TBC1D10A: variants seen among roughly 807,000 people sequenced by gnomAD.
TBC1D10A encodes EBP50-PDX interactor of 64 kDa.
A neutral mutation model predicts 52.9 loss-of-function variants in TBC1D10A; 24 were observed. The observed-to-expected ratio is 0.45, with a 90% CI of 0.33 to 0.64. TBC1D10A has a LOEUF of 0.64. Among genes scored for constraint, TBC1D10A ranks in the 30% least tolerant of loss-of-function variants. TBC1D10A has a pLI of 0.02. For synonymous variants in TBC1D10A, 278 were observed against 282.9 expected (o/e 0.98, Z 0.17); for missense variants, 602 against 687.9 (o/e 0.88, Z 1.40).
In TBC1D10A at chr22:30,326,764, A is replaced by G; in HGVS notation, c.118T>C (p.Ser40Pro). 2.6e-6 allele frequency: 4 copies of G among 1,515,918 alleles called. No individual in the cohort carries two copies. The highest frequency in any genetic ancestry group is 3.5e-6 in the Non-Finnish European group (4 of 1,128,172). The allele number at this position is 1,515,918 out of a possible 1,614,324, so 93.9% of individuals were successfully genotyped here. ...PDAATTDELS[S>P]LGSDSEANGF... is the part of the protein sequence containing the mutation. ...TTGGCCTCCGAGTCAGACCCGAGAG[A>G]GCTGAGTTCGTCGGTGGTTGCGGCG... Residue 40 changes from serine (S) to proline (P), a missense_variant, in exon 1 of 9, where the codon TCT (serine) becomes CCT (proline). By Grantham distance (74) the Ser-to-Pro change is moderately conservative. Coordinates refer to ENST00000215790, the MANE Select transcript of TBC1D10A (RefSeq NM_031937.3).
At chr22:30,321,506 G>A (rs1930652056) in intron 1 of TBC1D10A, among the ~76,000 whole-genome samples, 1 of 152,368 alleles carries the variant, frequency 6.6e-6, no homozygotes, top group South Asian at 2.1e-4. Flanking sequence ...AATTAAGCCA[G>A]TTCTATGATT....
chr22:30,298,018 G>A (rs1930120131), intron 3 of TBC1D10A: 1 of 152,286 alleles, frequency 6.6e-6, no homozygotes, highest in Non-Finnish European at 1.5e-5. Context: ...CCTCACACAA[G>A]CAACTTTCCA....
intron 1 of TBC1D10A, among the ~76,000 whole-genome samples, chr22:30,319,585 G>T (rs976185189): frequency 2.6e-5 from 4 of 152,228 alleles, no homozygotes; most frequent in Non-Finnish European, 5.9e-5. Flanking sequence ...GCACAGAATG[G>T]AGTAGGGTAG....
rs1290022279 is a variant in TBC1D10A, at chr22:30,321,046, A to G, written c.209+5627T>C. 2.6e-5 allele frequency among the ~76,000 whole-genome samples: 4 copies of G among 152,290 alleles called. No individual in the cohort carries two copies. The East Asian group carries it at 7.7e-4, about 29-fold the overall frequency. ...GGCCCAGATGCTGGTAGGACAAAAC[A>G]TCAAGTAGGTGCTACCATCTTATCT... is the stretch of plus-strand genomic sequence containing the variant. On this transcript the variant is annotated intron_variant, in intron 1 of 8. Coordinates refer to ENST00000215790, the MANE Select transcript of TBC1D10A (RefSeq NM_031937.3).
At position 30,294,031 on chromosome 22, in the gene TBC1D10A, C is replaced by T. The variant is rs146209214; in HGVS notation, c.785G>A (p.Arg262His). ...ATAGAGGAGCGGGTCGATCTTCTGACGGCTGAGGTGCTTGTGGGCCACCGG... is the reference window on the plus strand; with the variant it reads ...ATAGAGGAGCGGGTCGATCTTCTGATGGCTGAGGTGCTTGTGGGCCACCGG... The part of the protein sequence containing the change: ...VSPVAHKHLS[R>H]QKIDPLLYMT... The change falls in exon 7 of 9, where the codon CGT becomes CAT. Residue 262 changes from arginine to histidine, a missense_variant. This residue lies in a region of TBC1D10A where 136 missense variants were observed against 208.4 expected (regional missense o/e 0.65). Transcript: ENST00000215790. The T allele has an allele frequency of 6.6e-4, 1,058 of 1,614,148 alleles. 25 individuals are homozygous for T. The East Asian group carries it at 0.022, about 33-fold the overall frequency.
At position 30,292,349 on chromosome 22, in the gene TBC1D10A, C is replaced by A; in HGVS notation, c.*26G>T. 1.3e-6 allele frequency: 2 copies of A among 1,513,560 alleles called. No individual in the cohort carries two copies. Among genetic ancestry groups the A allele is most frequent in the Non-Finnish European group, 1.8e-6 (2 of 1,128,344 alleles). 93.8% of individuals were successfully genotyped at this position (1,513,560 alleles called of 1,614,324 possible). A position where few individuals can be genotyped will look rare whatever the true frequency, so the allele number is the denominator to read the frequency against. On this transcript the variant is annotated 3_prime_UTR_variant, in exon 9 of 9. Transcript: ENST00000215790. ...GAACCGTGTAGTTATATGGAGACCCCGCCCTGGAGGCCTTAGCTGCCAGGG... is the reference window on the plus strand; with the variant it reads ...GAACCGTGTAGTTATATGGAGACCCAGCCCTGGAGGCCTTAGCTGCCAGGG...
chr22:30,325,816 C>T (rs1451402173), intron 1 of TBC1D10A, among the ~76,000 whole-genome samples: 1 of 152,146 alleles, frequency 6.6e-6, no homozygotes, highest in Non-Finnish European at 1.5e-5. Flanking sequence ...CCCCGTCCCA[C>T]GCCCAAGATC....
At chr22:30,313,691 G>A (rs1458269232) in intron 1 of TBC1D10A, among the ~76,000 whole-genome samples, 4 of 149,734 alleles carry the variant, frequency 2.7e-5, no homozygotes, top group African/African-American at 7.4e-5. Context: ...GTGAGCCACC[G>A]TGCCTGGCCA....
chr22:30,301,499 T>C (rs1054510666), intron 2 of TBC1D10A, among the ~76,000 whole-genome samples: 2 of 152,220 alleles, frequency 1.3e-5, no homozygotes, highest in African/African-American at 4.8e-5. Flanking sequence ...AGGGAAAATG[T>C]GCTTAGTGTG....
chr22:30,301,872 C>A (rs1186188162), intron 2 of TBC1D10A, among the ~76,000 whole-genome samples: 2 of 152,306 alleles, frequency 1.3e-5, no homozygotes, highest in African/African-American at 4.8e-5. Flanking sequence ...CTGAAGGGAA[C>A]TGCACTAGAC....
At chr22:30,304,125 G>T (rs770371872) in intron 2 of TBC1D10A, among the ~76,000 whole-genome samples, 8 of 152,118 alleles carry the variant, frequency 5.3e-5, no homozygotes, top group Middle Eastern at 3.2e-3. Flanking sequence ...TCACACTAGG[G>T]TGCTGTAAGG....
intron 1 of TBC1D10A, among the ~76,000 whole-genome samples, chr22:30,313,942 C>A (rs2064590935): frequency 6.6e-6 from 1 of 152,066 alleles, no homozygotes; most frequent in Admixed American, 6.6e-5. Context: ...TATAACATTA[C>A]AATTCTAATA....
rs562015988 is a variant in TBC1D10A at position 30,301,734 on chromosome 22, G to T, written c.310-2183C>A. ...AAGAGAAAACTTTCCAAGGGTCAGA[G>T]AGAGTCAAGAACCAGGAAGGAGCCA... On this transcript the variant is annotated intron_variant, in intron 2 of 8. Coordinates refer to ENST00000215790, the MANE Select transcript of TBC1D10A (RefSeq NM_031937.3). Among the ~76,000 whole-genome samples the T allele has an allele frequency of 4.0e-4, 61 of 152,342 alleles. 1 individual carries two copies. Among genetic ancestry groups the T allele is most frequent in the African/African-American group, 1.4e-3 (60 of 41,574 alleles).
chr22:30,313,235 C>T (rs552923835), intron 1 of TBC1D10A, among the ~76,000 whole-genome samples: 5 of 152,266 alleles, frequency 3.3e-5, no homozygotes, highest in African/African-American at 1.2e-4. Context: ...GGCTGTTCTG[C>T]AGAGGCAGCA....
intron 5 of TBC1D10A, 28 bp downstream of exon 5, chr22:30,294,913 C>G (rs369956092): frequency 6.2e-7 from 1 of 1,614,040 alleles, no homozygotes; most frequent in Non-Finnish European, 8.5e-7. Flanking sequence ...CCCACCCACC[C>G]CCCTGCCTGC....
chr22:30,311,722 C>A (rs1317869350), intron 1 of TBC1D10A, among the ~76,000 whole-genome samples: 1 of 152,186 alleles, frequency 6.6e-6, no homozygotes, highest in Non-Finnish European at 1.5e-5. Context: ...ACCAAGGTAT[C>A]TACCTTCCTC....
At chr22:30,325,742 G>A (rs115820915) in intron 1 of TBC1D10A, among the ~76,000 whole-genome samples, 2,300 of 152,274 alleles carry the variant, frequency 0.015, 67 homozygotes, top group African/African-American at 0.053. Context: ...GTGTCTGGGT[G>A]CTCTCGGGAT....
intron 7 of TBC1D10A, 52 bp downstream of exon 7, chr22:30,293,869 C>T (rs1930011319): frequency 1.2e-6 from 2 of 1,602,518 alleles, no homozygotes; most frequent in African/African-American, 2.7e-5. Flanking sequence ...AAGAGAGGCC[C>T]CACTGTGGGC....
chr22:30,293,865 G>A, intron 7 of TBC1D10A, 56 bp downstream of exon 7: 1 of 1,602,250 alleles, frequency 6.2e-7, no homozygotes. Flanking sequence ...TGCAAAGAGA[G>A]GCCCCACTGT....
Sources: gnomAD v4.1 joint callset for allele counts (sites outside exome capture counted in the v4.1 genomes callset) on GRCh38, gnomAD v4.1.1 for gene constraint, gnomAD v4.1.1 regional missense constraint, MANE v1.5 for transcripts, NCBI Gene and HGNC (gene_info 2026-07-23, HGNC 2026-07-21) for gene names.